The following TNIK variants were observed in gnomAD, a reference collection of about 807,000 sequenced individuals.
The protein encoded by TNIK is TRAF2 and NCK interacting kinase, also known as TRAF2 and NCK-interacting protein kinase.
TNIK carries 49 observed loss-of-function variants against 191.3 expected under a neutral mutation model. The ratio of observed to expected loss-of-function variants is 0.26; its 90% CI spans 0.20 to 0.32. TNIK has a LOEUF of 0.32. TNIK is among the 10% of genes least tolerant of loss of function. The pLI is 1.00. For missense variants in TNIK, 1,155 were observed against 1,702.3 expected (o/e 0.68, Z 5.66); for synonymous variants, 594 against 600.9 (o/e 0.99, Z 0.17).
chr3:171,092,116 A>AT (rs1377408996), intron 23 of TNIK, among the ~76,000 whole-genome samples: 1 of 151,674 alleles, frequency 6.6e-6, no homozygotes, highest in Non-Finnish European at 1.5e-5. Context: ...CGCCTGGCTA[A>AT]TTTTTTTATT....
At chr3:171,128,949 A>G in intron 15 of TNIK, 71 bp from the exon 16 acceptor site, 1 of 1,451,982 alleles carries the variant, frequency 6.9e-7, no homozygotes, top group Non-Finnish European at 9.0e-7. Context: ...TCTAGCAAGG[A>G]TTTTCTGTAG....
intron 1 of TNIK, among the ~76,000 whole-genome samples, chr3:171,393,253 C>T (rs1204032561): frequency 6.6e-6 from 1 of 152,230 alleles, no homozygotes; most frequent in Non-Finnish European, 1.5e-5. Flanking sequence ...AAGCAAAATA[C>T]AATCTCGCGG....
rs139888086 is a variant in TNIK at position 171,129,638 on chromosome 3, C to A, written c.1609-760G>T. Among the ~76,000 whole-genome samples, 770 of 152,308 alleles carry A rather than the reference C, an allele frequency of 5.1e-3. 5 individuals carry two copies. Among genetic ancestry groups the A allele is most frequent in the African/African-American group, 0.017 (715 of 41,558 alleles). On this transcript the variant is annotated intron_variant, in intron 15 of 32. Coordinates refer to ENST00000436636, the MANE Select transcript of TNIK (RefSeq NM_015028.4). ...CCTTTCTCTTCCCCTCTAACCCTGT[C>A]TTCTCTCAGGCTGTTTCATTTCCTT...
intron 9 of TNIK, among the ~76,000 whole-genome samples, chr3:171,171,538 A>G (rs1165455798): frequency 2.0e-5 from 3 of 152,154 alleles, no homozygotes; most frequent in African/African-American, 7.2e-5. Flanking sequence ...TGTACATATA[A>G]GCAGTTATGA....
At position 171,140,460 on chromosome 3, in the gene TNIK, C is replaced by T. The variant is rs770057992; in HGVS notation, c.1271G>A (p.Arg424His). Residue 424 changes from arginine (R) to histidine (H), a missense_variant, in exon 13 of 33, where the codon CGC (arginine) becomes CAC (histidine). Physicochemically the swap from Arg to His is conservative, Grantham distance 29. Coordinates refer to ENST00000436636, the MANE Select transcript of TNIK (RefSeq NM_015028.4). Reference sequence around the variant, plus strand: ...GCGCATCTGCTCCTCATAGTGCCGGCGCTGCTCCCTCTCCTGCTGCTTCCG... The same window carrying T: ...GCGCATCTGCTCCTCATAGTGCCGGTGCTGCTCCCTCTCCTGCTGCTTCCG... ...ELRKQQEREQ[R>H]RHYEEQMRRE... The T allele has an allele frequency of 9.9e-6, 16 of 1,612,812 alleles. No homozygotes were observed. Among genetic ancestry groups the T allele is most frequent in the Admixed American group, 1.7e-5 (1 of 59,938 alleles).
intron 2 of TNIK, among the ~76,000 whole-genome samples, chr3:171,250,109 C>T (rs1746064170): frequency 6.6e-6 from 1 of 152,228 alleles, no homozygotes; most frequent in Non-Finnish European, 1.5e-5. Context: ...TTTCACCCAA[C>T]TTCTGCTCTA....
At chr3:171,211,994 T>G (rs1740888730) in intron 3 of TNIK, among the ~76,000 whole-genome samples, 1 of 152,194 alleles carries the variant, frequency 6.6e-6, no homozygotes, top group African/African-American at 2.4e-5. Context: ...CCCATAATTT[T>G]ATTTTCTTGA....
At chr3:171,162,190 G>A (rs1734078841) in intron 10 of TNIK, among the ~76,000 whole-genome samples, 1 of 152,112 alleles carries the variant, frequency 6.6e-6, no homozygotes, top group Non-Finnish European at 1.5e-5. Flanking sequence ...GGGAGGCCAA[G>A]GTGGGCGGAT....
chr3:171,237,961 C>T (rs111702740), intron 2 of TNIK, among the ~76,000 whole-genome samples: 231 of 152,276 alleles, frequency 1.5e-3, no homozygotes, highest in Non-Finnish European at 2.8e-3. Flanking sequence ...GAGACAGCAA[C>T]ATTCTTTAAC....
chr3:171,318,077 G>T (rs1260217498), intron 2 of TNIK, among the ~76,000 whole-genome samples: 2 of 152,246 alleles, frequency 1.3e-5, no homozygotes, highest in Admixed American at 1.3e-4. Context: ...AAGAGGCTTA[G>T]ATTTGTACTA....
At chr3:171,318,189 A>G (rs1754836182) in intron 2 of TNIK, among the ~76,000 whole-genome samples, 2 of 152,154 alleles carry the variant, frequency 1.3e-5, no homozygotes. Context: ...ATAGATTGAA[A>G]TGTCTCTGGA....
At chr3:171,236,029 C>T (rs1744223649) in intron 2 of TNIK, among the ~76,000 whole-genome samples, 1 of 152,148 alleles carries the variant, frequency 6.6e-6, no homozygotes, top group African/African-American at 2.4e-5. Context: ...AAAACGCAGT[C>T]CTCCAGGCAC....
At chr3:171,252,826 G>C (rs1247094414) in intron 2 of TNIK, among the ~76,000 whole-genome samples, 1 of 152,076 alleles carries the variant, frequency 6.6e-6, no homozygotes, top group Non-Finnish European at 1.5e-5. Flanking sequence ...TCTAAATCTT[G>C]AAGAACATAA....
chr3:171,398,445 G>C (rs1266620130), intron 1 of TNIK, among the ~76,000 whole-genome samples: 1 of 152,182 alleles, frequency 6.6e-6, no homozygotes, highest in Non-Finnish European at 1.5e-5. Flanking sequence ...CTTCTATTTA[G>C]TACCTGCACA....
intron 2 of TNIK, among the ~76,000 whole-genome samples, chr3:171,296,386 T>A (rs1268893276): frequency 1.3e-5 from 2 of 152,150 alleles, no homozygotes; most frequent in East Asian, 3.9e-4. Context: ...ACACCCTTTT[T>A]AAAAATGGAA....
At chr3:171,373,809 C>T (rs905092923) in intron 1 of TNIK, among the ~76,000 whole-genome samples, 7 of 152,158 alleles carry the variant, frequency 4.6e-5, no homozygotes, top group African/African-American at 1.7e-4. Flanking sequence ...CTTTATGAGG[C>T]AAGCCCATCC....
At chr3:171,170,868 T>C (rs895948845) in intron 9 of TNIK, among the ~76,000 whole-genome samples, 19 of 152,098 alleles carry the variant, frequency 1.2e-4, no homozygotes, top group African/African-American at 4.6e-4. Flanking sequence ...CTGGGCAATA[T>C]AGCAAGACGG....
chr3:171,355,267 A>G (rs887031551), intron 2 of TNIK, among the ~76,000 whole-genome samples: 39 of 152,100 alleles, frequency 2.6e-4, no homozygotes, highest in Non-Finnish European at 1.0e-4. Context: ...GCACTCTCAG[A>G]GGGGCATATT....
chr3:171,118,235 C>T (rs183180535), intron 18 of TNIK, among the ~76,000 whole-genome samples: 2,084 of 152,082 alleles, frequency 0.014, 46 homozygotes, highest in African/African-American at 0.046. Context: ...TTACAAGGGA[C>T]GTGAAGGACC....
Sources: allele counts gnomAD v4.1 joint callset (sites outside exome capture counted in the v4.1 genomes callset), GRCh38; gene constraint gnomAD v4.1.1; transcripts MANE v1.5; gene names NCBI Gene and HGNC (gene_info 2026-07-23, HGNC 2026-07-21).